Variants in LRRC4C observed in about 807,000 individuals in gnomAD.
LRRC4C encodes the protein leucine-rich repeat-containing protein 4C.
In LRRC4C, 5 loss-of-function variants were observed where a neutral mutation model predicts 33.6. The observed-to-expected ratio is 0.15, with a 90% confidence interval of 0.08 to 0.31. LRRC4C has a LOEUF of 0.31. LRRC4C is among the 10% of genes least tolerant of loss of function. The pLI is 1.00. For missense variants in LRRC4C, 560 were observed against 796.7 expected, an observed-to-expected ratio of 0.70 and a Z score of 3.58; for synonymous variants, 329 against 302.0, an observed-to-expected ratio of 1.09 and a Z score of -0.93.
chr11:40,270,794 A>C (rs1942635630), intron 4 of LRRC4C, among the ~76,000 whole-genome samples: 1 of 152,168 alleles, frequency 6.6e-6, no homozygotes, highest in Non-Finnish European at 1.5e-5. Context: ...TTCTGCTACC[A>C]CAGCATCTAT....
intron 1 of LRRC4C, among the ~76,000 whole-genome samples, chr11:41,408,053 T>C (rs1254315604): frequency 6.6e-6 from 1 of 152,182 alleles, no homozygotes; most frequent in Non-Finnish European, 1.5e-5. Flanking sequence ...ACTTGTCATT[T>C]AATCCCCTAA....
intron 2 of LRRC4C, among the ~76,000 whole-genome samples, chr11:40,882,626 A>C (rs1955240767): frequency 6.6e-6 from 1 of 151,966 alleles, no homozygotes; most frequent in Admixed American, 6.6e-5. Context: ...AAGGCTCCAG[A>C]TGCCATCTTT....
At chr11:40,409,276 C>T (rs1386286521) in intron 3 of LRRC4C, among the ~76,000 whole-genome samples, 3 of 151,972 alleles carry the variant, frequency 2.0e-5, no homozygotes, top group South Asian at 4.1e-4. Flanking sequence ...AAATGTAATA[C>T]CTGAAACTGT....
chr11:41,253,431 C>T (rs752213014), intron 1 of LRRC4C, among the ~76,000 whole-genome samples: 3 of 152,158 alleles, frequency 2.0e-5, no homozygotes, highest in South Asian at 4.2e-4. Context: ...TATGAGTTCA[C>T]GTTTACTCAT....
chr11:40,779,054 C>T (rs536827096), intron 2 of LRRC4C, among the ~76,000 whole-genome samples: 18 of 152,024 alleles, frequency 1.2e-4, no homozygotes, highest in South Asian at 2.1e-4. Context: ...CACAGGAAGA[C>T]GAGTTAAGTG....
intron 1 of LRRC4C, among the ~76,000 whole-genome samples, chr11:41,378,038 G>T (rs1053529192): frequency 1.3e-5 from 2 of 152,102 alleles, no homozygotes; most frequent in African/African-American, 2.4e-5. Flanking sequence ...GGCAGTGGGG[G>T]TAGCACAAAA....
At chr11:40,438,023 G>A (rs1430881466) in intron 3 of LRRC4C, among the ~76,000 whole-genome samples, 2 of 152,164 alleles carry the variant, frequency 1.3e-5, no homozygotes, top group Non-Finnish European at 2.9e-5. Context: ...TTCATTAGAA[G>A]TATAAGGCAA....
intron 3 of LRRC4C, among the ~76,000 whole-genome samples, chr11:40,564,121 G>T (rs985452680): frequency 7.2e-5 from 11 of 152,204 alleles, no homozygotes; most frequent in African/African-American, 2.7e-4. Flanking sequence ...CAGACAGGAT[G>T]TATGACTGAA....
chr11:41,033,078 C>G (rs750016077), intron 1 of LRRC4C, among the ~76,000 whole-genome samples: 4 of 151,950 alleles, frequency 2.6e-5, no homozygotes, highest in Non-Finnish European at 4.4e-5. Context: ...GTCTCTGTCT[C>G]CAATCACAAC....
At chr11:40,868,696 G>C (rs1477584722) in intron 2 of LRRC4C, among the ~76,000 whole-genome samples, 1 of 151,936 alleles carries the variant, frequency 6.6e-6, no homozygotes, top group East Asian at 1.9e-4. Context: ...TCATCTTTGG[G>C]GATTACTTCT....
chr11:40,802,019 C>T (rs1289557474), intron 2 of LRRC4C, among the ~76,000 whole-genome samples: 2 of 152,168 alleles, frequency 1.3e-5, no homozygotes, highest in Admixed American at 1.3e-4. Context: ...GGCTTTTCTT[C>T]CCCAACATAT....
At chr11:41,393,605 G>T (rs1953689893) in intron 1 of LRRC4C, among the ~76,000 whole-genome samples, 1 of 151,854 alleles carries the variant, frequency 6.6e-6, no homozygotes, top group Admixed American at 6.6e-5. Context: ...ACATTTAAAA[G>T]CATAAAAGCA....
At chr11:40,365,182 T>C (rs539752995) in intron 3 of LRRC4C, among the ~76,000 whole-genome samples, 1 of 151,754 alleles carries the variant, frequency 6.6e-6, no homozygotes, top group Admixed American at 6.6e-5. Flanking sequence ...AAACATTCCA[T>C]AAGATTTAAT....
intron 2 of LRRC4C, among the ~76,000 whole-genome samples, chr11:40,920,757 A>G (rs79253800): frequency 6.6e-6 from 1 of 152,036 alleles, no homozygotes; most frequent in African/African-American, 2.4e-5. Flanking sequence ...TCCGAATATG[A>G]CCATGTCCTA....
chr11:40,673,220 A>G (rs959193010), intron 2 of LRRC4C, among the ~76,000 whole-genome samples: 1 of 152,148 alleles, frequency 6.6e-6, no homozygotes, highest in African/African-American at 2.4e-5. Flanking sequence ...GAACTTTAGG[A>G]AACATTTTGG....
chr11:40,794,074 T>G (rs944996156), intron 2 of LRRC4C, among the ~76,000 whole-genome samples: 3 of 152,110 alleles, frequency 2.0e-5, no homozygotes, highest in African/African-American at 7.2e-5. Flanking sequence ...AAAAACTTTT[T>G]AAAAATAAAC....
chr11:40,291,249 G>A (rs1284224022), intron 4 of LRRC4C, among the ~76,000 whole-genome samples: 1 of 152,076 alleles, frequency 6.6e-6, no homozygotes, highest in Non-Finnish European at 1.5e-5. Flanking sequence ...TCCTACAGGC[G>A]CTCAGACTTT....
At chr11:40,405,501 G>A (rs1949928572) in intron 3 of LRRC4C, among the ~76,000 whole-genome samples, 1 of 150,250 alleles carries the variant, frequency 6.7e-6, no homozygotes, top group African/African-American at 2.4e-5. Context: ...GCTGGTCATG[G>A]TAGTGGGCAC....
At chr11:41,077,465 G>A (rs1039021099) in intron 1 of LRRC4C, among the ~76,000 whole-genome samples, 1 of 152,198 alleles carries the variant, frequency 6.6e-6, no homozygotes, top group Non-Finnish European at 1.5e-5. Context: ...CATGGAAGCT[G>A]TCAAGGCTTG....
Sources: allele counts gnomAD v4.1 joint callset (sites outside exome capture counted in the v4.1 genomes callset), GRCh38; gene constraint gnomAD v4.1.1; transcripts MANE v1.5; gene names NCBI Gene and HGNC (gene_info 2026-07-23, HGNC 2026-07-21).